Variants in SLX4 observed in about 807,000 individuals in gnomAD.
SLX4 encodes the protein structure-specific endonuclease subunit SLX4.
Under a neutral mutation model 146.2 loss-of-function variants are expected in SLX4, and 112 were observed. The observed-to-expected ratio is 0.77, with a 90% CI of 0.66 to 0.90. SLX4 has a LOEUF of 0.90. SLX4 is among the 40% of genes least tolerant of loss of function. The probability of loss-of-function intolerance (pLI) is 0.00; values close to 1 mark genes in which losing one functional copy is unlikely to be tolerated. For synonymous variants in SLX4, 1,061 were observed against 997.7 expected, an observed-to-expected ratio of 1.06 and a Z score of -1.20; for missense variants, 2,563 against 2,392.7, an observed-to-expected ratio of 1.07 and a Z score of -1.49.
Position 3,583,440 on chromosome 16 carries a change from G to C in SLX4, c.4810C>G (p.Gln1604Glu). 6.2e-7 allele frequency: 1 copy of C among 1,614,174 alleles called. No homozygotes were observed. The highest frequency in any genetic ancestry group is 8.5e-7 in the Non-Finnish European group (1 of 1,180,046). The change falls in exon 14 of 15, where the codon CAG becomes GAG. Residue 1604 changes from glutamine (Q) to glutamate (E), a missense_variant. Physicochemically the swap from Gln to Glu is conservative, Grantham distance 29 (BLOSUM62 2). Transcript: ENST00000294008. The stretch of plus-strand genomic sequence containing the variant: ...TCCTCGGAGTCTGAGTCCAGGGTCT[G>C]GTGAGTGTACTGGAATATCTCCTTC... ...KLKEIFQYTH[Q>E]TLDSDSEDES... is the part of the protein sequence containing the mutation.
At position 3,601,154 on chromosome 16, in the gene SLX4, CAGA is replaced by C. The variant is rs1289726066; in HGVS notation, c.985_987del (p.Ser329del). The C allele has an allele frequency of 1.4e-5, 23 of 1,613,976 alleles. No homozygotes were observed. In the East Asian group the frequency reaches 3.8e-4, roughly 27 times the overall value. On this transcript the variant is annotated inframe_deletion, in exon 5 of 15. Coordinates refer to ENST00000294008, the MANE Select transcript of SLX4 (RefSeq NM_032444.4). Reference sequence around the variant, plus strand: ...ATCGGGCACTCAGGGATCTGAGGCACAGAAGGTCTTAGTGTCTTTTCAGCTTCA... The same window carrying C: ...ATCGGGCACTCAGGGATCTGAGGCACAGGTCTTAGTGTCTTTTCAGCTTCA...
chr16:3,601,646 A>G (rs2040728553), intron 4 of SLX4: 2 of 308,230 alleles, frequency 6.5e-6, no homozygotes, highest in South Asian at 3.0e-5. Flanking sequence ...CTGCTCAGCC[A>G]TAAAAAGGAA....
rs760336802 is a variant in SLX4, at chr16:3,582,325, G to A, written c.*17C>T. The A allele has an allele frequency of 6.2e-7, 1 of 1,603,202 alleles. No individual in the cohort carries two copies. Among genetic ancestry groups the A allele is most frequent in the Non-Finnish European group, 8.5e-7 (1 of 1,176,106 alleles). ...GGGCTGCTGATGGCAGGTTGGGGTG[G>A]GGTCGGGATGGCCCCATCAGTTCCG... On this transcript the variant is annotated 3_prime_UTR_variant, in exon 15 of 15. Coordinates refer to ENST00000294008, the MANE Select transcript of SLX4 (RefSeq NM_032444.4).
rs1158611556 is a variant in SLX4, at chr16:3,589,461, C to G, written c.4177G>C (p.Val1393Leu). ...FLNQTPAGEV[V>L]EVGDSDDEQE... is the part of the protein sequence containing the mutation. Reference sequence around the variant, plus strand: ...TCATCGTCACTGTCTCCGACTTCCACCACTTCACCCGCTGGGGTCTGGTTC... The same window carrying G: ...TCATCGTCACTGTCTCCGACTTCCAGCACTTCACCCGCTGGGGTCTGGTTC... The change falls in exon 12 of 15, where the codon GTG becomes CTG. Residue 1393 changes from valine (V) to leucine (L), a missense_variant. Coordinates refer to ENST00000294008, the MANE Select transcript of SLX4 (RefSeq NM_032444.4). This position sits in a 1 kb window ranked among gnomAD's most constrained non-coding sequence, Gnocchi z 6.2. 5.0e-6 allele frequency: 8 copies of G among 1,607,788 alleles called. No individual in the cohort carries two copies. In the African/African-American group the frequency reaches 6.7e-5, roughly 13 times the overall value.
At chr16:3,584,685 C>A in intron 13 of SLX4, 84 bp downstream of exon 13, 1 of 1,077,882 alleles carries the variant, frequency 9.3e-7, no homozygotes, top group Non-Finnish European at 1.4e-6. Flanking sequence ...CACGGGGGGC[C>A]CTTCCGCCCC....
intron 5 of SLX4, among the ~76,000 whole-genome samples, chr16:3,599,242 C>T (rs561757145): frequency 5.3e-5 from 8 of 152,286 alleles, no homozygotes; most frequent in East Asian, 3.9e-4. Context: ...ATCTCAGCCC[C>T]GAGCCAGCTC....
intron 3 of SLX4, among the ~76,000 whole-genome samples, chr16:3,604,464 C>T (rs1433282838): frequency 6.6e-6 from 1 of 152,066 alleles, no homozygotes; most frequent in East Asian, 1.9e-4. Context: ...TGTGGTTATG[C>T]AGCAGAATCT....
chr16:3,593,146 C>G (rs2040612325), intron 10 of SLX4, among the ~76,000 whole-genome samples: 1 of 151,296 alleles, frequency 6.6e-6, no homozygotes, highest in African/African-American at 2.4e-5. Context: ...TCTCGGCTCA[C>G]TGCAACCTCC....
At chr16:3,593,602 G>A (rs933908195) in intron 10 of SLX4, among the ~76,000 whole-genome samples, 5 of 152,156 alleles carry the variant, frequency 3.3e-5, no homozygotes, top group Admixed American at 3.3e-4. Flanking sequence ...TTACAGGTGA[G>A]GCCTAACACT....
chr16:3,604,440 C>A (rs998541061), intron 3 of SLX4, among the ~76,000 whole-genome samples: 1 of 152,006 alleles, frequency 6.6e-6, no homozygotes, highest in Admixed American at 6.6e-5. Context: ...TGGAATTAAG[C>A]GTGCTAATGG....
chr16:3,588,538 A>G (rs903622139), intron 12 of SLX4, among the ~76,000 whole-genome samples: 6 of 152,174 alleles, frequency 3.9e-5, no homozygotes, highest in Non-Finnish European at 7.3e-5. Context: ...CAGCGCTTCT[A>G]TGAACATGCA....
intron 12 of SLX4, among the ~76,000 whole-genome samples, chr16:3,585,534 C>T (rs1455745582): frequency 1.4e-5 from 2 of 143,826 alleles, no homozygotes; most frequent in Non-Finnish European, 3.0e-5. Flanking sequence ...TGCAGTGAGC[C>T]GAGATCACAC....
In SLX4 at chr16:3,583,385, T is replaced by C. The variant is rs201504997; in HGVS notation, c.4865A>G (p.Gln1622Arg). 1.9e-6 allele frequency: 3 copies of C among 1,613,108 alleles called. No individual in the cohort carries two copies. The East Asian group carries it at 6.7e-5, about 36-fold the overall frequency. The change falls in exon 14 of 15, where the codon CAG becomes CGG. Residue 1622 changes from glutamine to arginine, a missense_variant. Transcript: ENST00000294008. ...DESQSSQPLL[Q>R]APHCQTLASQ... ...GGCGAGGGTCTGGCAGTGAGGCGCC[T>C]GCAACAGCGGCTGTGAGGACTGGCT...
At chr16:3,601,842 CT>C (rs2040730259) in intron 4 of SLX4, 2 of 444,188 alleles carry the variant, frequency 4.5e-6, no homozygotes, top group Non-Finnish European at 8.4e-6. Flanking sequence ...TGTGGGGATT[CT>C]TTTGGGGGTG....
rs112226642 is a variant in SLX4, at chr16:3,595,582, C to T, written c.2013+23G>A. On this transcript the variant is annotated intron_variant, in intron 9 of 14. Coordinates refer to ENST00000294008, the MANE Select transcript of SLX4 (RefSeq NM_032444.4). Reference sequence around the variant, plus strand: ...AAGTGGGATGGCCGGGACCAGAGAGCGCGGGCCAGAGCCAGTTCTTACCAA... The same window carrying T: ...AAGTGGGATGGCCGGGACCAGAGAGTGCGGGCCAGAGCCAGTTCTTACCAA... 101,330 of 1,612,140 alleles carry T rather than the reference C, an allele frequency of 0.063. 3,408 individuals carry two copies. The highest frequency in any genetic ancestry group is 0.07 in the Admixed American group (4,180 of 59,990).
At chr16:3,587,458 T>A (rs1382177449) in intron 12 of SLX4, among the ~76,000 whole-genome samples, 3 of 152,200 alleles carry the variant, frequency 2.0e-5, no homozygotes, top group African/African-American at 7.2e-5. Context: ...ATAGCCCCAC[T>A]GCACTCCAGC....
At chr16:3,600,940 C>A (rs1357496020) in intron 5 of SLX4, 39 bp downstream of exon 5, 3 of 1,606,598 alleles carry the variant, frequency 1.9e-6, no homozygotes, top group South Asian at 1.1e-5. Context: ...GTGCACACAG[C>A]ATTATTTGGC....
In SLX4 at chr16:3,585,773, G is replaced by A. The variant is rs2040501204; in HGVS notation, c.4637-902C>T. On this transcript the variant is annotated intron_variant, in intron 12 of 14. Coordinates refer to ENST00000294008, the MANE Select transcript of SLX4 (RefSeq NM_032444.4). ...CCATAACAAAAAACACAGAGGGTTT[G>A]GGCAAAATGGCAGAACCCTATCTCT... is the stretch of plus-strand genomic sequence containing the variant. Among the ~76,000 whole-genome samples the A allele has an allele frequency of 2.7e-5, 4 of 149,706 alleles. No individual in the cohort carries two copies. In the South Asian group the frequency reaches 8.5e-4, roughly 32 times the overall value.
At chr16:3,610,881 G>A (rs2040856505) in intron 1 of SLX4, among the ~76,000 whole-genome samples, 1 of 152,210 alleles carries the variant, frequency 6.6e-6, no homozygotes, top group Non-Finnish European at 1.5e-5. Context: ...GGAAAGGATT[G>A]GCTCACAAGG....
Sources: gnomAD v4.1 joint callset for allele counts (sites outside exome capture counted in the v4.1 genomes callset) on GRCh38, gnomAD v4.1.1 for gene constraint, Gnocchi (gnomAD v3.1) non-coding constraint, MANE v1.5 for transcripts, NCBI Gene and HGNC (gene_info 2026-07-23, HGNC 2026-07-21) for gene names.